FSTL4: variants seen among roughly 807,000 people sequenced by gnomAD.
The protein encoded by FSTL4 is follistatin-related protein 4.
Under a neutral mutation model 78.2 loss-of-function variants are expected in FSTL4, and 28 were observed. The ratio of observed to expected loss-of-function variants is 0.36; its 90% confidence interval spans 0.27 to 0.49. The LOEUF (loss-of-function observed/expected upper bound fraction) is 0.49. FSTL4 is among the 20% of genes least tolerant of loss of function. The pLI is 0.98. For synonymous variants in FSTL4, 422 were observed against 440.5 expected (o/e 0.96, Z 0.53); for missense variants, 922 against 1,084.9 (o/e 0.85, Z 2.11).
intron 4 of FSTL4, among the ~76,000 whole-genome samples, chr5:133,359,471 A>T (rs1283639411): frequency 6.6e-6 from 1 of 152,242 alleles, no homozygotes; most frequent in Non-Finnish European, 1.5e-5. Flanking sequence ...AAGTTTTAGA[A>T]TAGGCAAACG....
chr5:133,537,396 C>G (rs1253362301), intron 3 of FSTL4, among the ~76,000 whole-genome samples: 2 of 152,074 alleles, frequency 1.3e-5, no homozygotes, highest in Non-Finnish European at 2.9e-5. Context: ...TACATTTTCT[C>G]TTTGTTACTG....
intron 4 of FSTL4, among the ~76,000 whole-genome samples, chr5:133,375,750 C>T (rs1755418940): frequency 6.6e-6 from 1 of 152,186 alleles, no homozygotes; most frequent in Non-Finnish European, 1.5e-5. Flanking sequence ...GGCTTTCTGT[C>T]ACATTGGGAT....
At chr5:133,750,495 G>A in the FSTL4 span, among the ~76,000 whole-genome samples, 1 of 152,072 alleles carries the variant, frequency 6.6e-6, no homozygotes, top group Non-Finnish European at 1.5e-5. Context: ...CCCCAAAAGT[G>A]ACAACCAGAG....
At chr5:133,590,132 A>T (rs1443011807) in intron 2 of FSTL4, among the ~76,000 whole-genome samples, 1 of 119,354 alleles carries the variant, frequency 8.4e-6, no homozygotes, top group Non-Finnish European at 1.8e-5. Flanking sequence ...TTTGAGACAC[A>T]GTCTTGCTCT....
intron 14 of FSTL4, among the ~76,000 whole-genome samples, chr5:133,203,294 T>C (rs1243160201): frequency 6.6e-6 from 1 of 152,202 alleles, no homozygotes; most frequent in African/African-American, 2.4e-5. Flanking sequence ...GCCTGAGGCT[T>C]GGCCTGCAGG....
intron 4 of FSTL4, among the ~76,000 whole-genome samples, chr5:133,381,214 T>C (rs1471830165): frequency 1.3e-5 from 2 of 152,206 alleles, no homozygotes; most frequent in Non-Finnish European, 1.5e-5. Context: ...ATGATTCCAG[T>C]TGCACAGCTT....
intron 3 of FSTL4, among the ~76,000 whole-genome samples, chr5:133,542,349 T>C (rs1759494240): frequency 1.3e-5 from 2 of 152,216 alleles, no homozygotes; most frequent in Non-Finnish European, 2.9e-5. Context: ...TTATGGTTTA[T>C]CTTTTATTAA....
intron 6 of FSTL4, among the ~76,000 whole-genome samples, chr5:133,270,402 C>T (rs1481287080): frequency 1.3e-5 from 2 of 152,224 alleles, no homozygotes; most frequent in African/African-American, 4.8e-5. Context: ...CTATTATTCT[C>T]TCTCTGTCAA....
At chr5:133,345,689 T>G (rs1754683567) in intron 4 of FSTL4, among the ~76,000 whole-genome samples, 1 of 152,162 alleles carries the variant, frequency 6.6e-6, no homozygotes, top group Non-Finnish European at 1.5e-5. Context: ...AAAACCACAA[T>G]GAGATACCAT....
intron 8 of FSTL4, among the ~76,000 whole-genome samples, chr5:133,231,011 T>C (rs905247588): frequency 1.3e-5 from 2 of 152,040 alleles, no homozygotes; most frequent in Non-Finnish European, 2.9e-5. Flanking sequence ...GGCGTCCTCC[T>C]GGGCCCACGT....
At chr5:133,470,492 T>C (rs31342) in intron 3 of FSTL4, among the ~76,000 whole-genome samples, 122,090 of 152,150 alleles carry the variant, frequency 0.8, 49,411 homozygotes, top group African/African-American at 0.9. Context: ...CGCCTGTAAT[T>C]GCAGCATTTT....
chr5:133,260,999 T>A (rs1430463666), intron 6 of FSTL4, among the ~76,000 whole-genome samples: 1 of 151,644 alleles, frequency 6.6e-6, no homozygotes, highest in Non-Finnish European at 1.5e-5. Context: ...TGGTAAGGAG[T>A]CTATGTTTGA....
At chr5:133,324,176 A>C (rs1472326249) in intron 4 of FSTL4, among the ~76,000 whole-genome samples, 1 of 152,268 alleles carries the variant, frequency 6.6e-6, no homozygotes, top group Non-Finnish European at 1.5e-5. Context: ...GACTGTGCTC[A>C]AAGGGACCAT....
intron 6 of FSTL4, among the ~76,000 whole-genome samples, chr5:133,307,440 T>C (rs1242151219): frequency 6.6e-6 from 1 of 152,206 alleles, no homozygotes; most frequent in Non-Finnish European, 1.5e-5. Context: ...CTGACTCTGC[T>C]ACCTGCTGAC....
intron 6 of FSTL4, among the ~76,000 whole-genome samples, chr5:133,256,763 T>C (rs1192753668): frequency 2.0e-5 from 3 of 152,226 alleles, no homozygotes; most frequent in African/African-American, 7.2e-5. Flanking sequence ...AGAGAGCACT[T>C]GCATCTGTCC....
chr5:133,480,857 G>A (rs1486706672), intron 3 of FSTL4, among the ~76,000 whole-genome samples: 1 of 152,146 alleles, frequency 6.6e-6, no homozygotes, highest in East Asian at 1.9e-4. Flanking sequence ...ATTTTTAAAT[G>A]AGATTTCTCC....
chr5:133,489,111 G>C (rs1758203992), intron 3 of FSTL4, among the ~76,000 whole-genome samples: 2 of 152,158 alleles, frequency 1.3e-5, no homozygotes, highest in African/African-American at 4.8e-5. Context: ...TACTAATCAG[G>C]CCCAGAAGCA....
chr5:133,335,928 T>C lies in FSTL4; in HGVS notation c.410-19276A>G, dbSNP rs574957437. Among the ~76,000 whole-genome samples the C allele has an allele frequency of 1.4e-4, 22 of 152,282 alleles. No individual in the cohort carries two copies. In the South Asian group the frequency reaches 1.9e-3, roughly 13 times the overall value. ...TGGATCCCAAGCTATGTGGTTTGCATTGAGGGAGCAGAGGGACCTCTACTT... is the reference window on the plus strand; with the variant it reads ...TGGATCCCAAGCTATGTGGTTTGCACTGAGGGAGCAGAGGGACCTCTACTT... On this transcript the variant is annotated intron_variant, in intron 4 of 15. Coordinates refer to ENST00000265342, the MANE Select transcript of FSTL4 (RefSeq NM_015082.2).
chr5:133,687,015 G>A, the FSTL4 span, among the ~76,000 whole-genome samples: 8 of 152,230 alleles, frequency 5.3e-5, no homozygotes, highest in Admixed American at 3.3e-4. Context: ...GGCACTGCAA[G>A]TGTGCACACA....
Sources: gnomAD v4.1 joint callset for allele counts (sites outside exome capture counted in the v4.1 genomes callset) on GRCh38, gnomAD v4.1.1 for gene constraint, MANE v1.5 for transcripts, NCBI Gene and HGNC (gene_info 2026-07-23, HGNC 2026-07-21) for gene names.